ALOX5: variants seen among roughly 807,000 people sequenced by gnomAD.
ALOX5 encodes the protein arachidonate 5-lipoxygenase, also known as polyunsaturated fatty acid 5-lipoxygenase.
ALOX5 carries 64 observed loss-of-function variants against 87.9 expected under a neutral mutation model. That is an observed-to-expected ratio of 0.73 (90% confidence interval 0.60 to 0.90). The LOEUF (loss-of-function observed/expected upper bound fraction) is 0.90, where lower values mean the gene tolerates loss of function less well. Ranked by LOEUF, ALOX5 falls within the 40% of genes least tolerant of loss-of-function variation. ALOX5 has a pLI of 0.00. For missense variants in ALOX5, 822 were observed against 907.5 expected, an observed-to-expected ratio of 0.91 and a Z score of 1.21; for synonymous variants, 388 against 355.1, an observed-to-expected ratio of 1.09 and a Z score of -1.04.
chr10:45,374,561 C>T, intron 1 of ALOX5, 132 bp downstream of exon 1: 1 of 894,550 alleles, frequency 1.1e-6, no homozygotes, highest in Non-Finnish European at 1.5e-6. Context: ...GTGTCCAGGA[C>T]CCTGTCAGGG....
rs141852280 is a variant in ALOX5, at chr10:45,420,560, C to T, written c.555-3481C>T. Among the ~76,000 whole-genome samples, 1,081 of 152,382 alleles carry T rather than the reference C, an allele frequency of 7.1e-3. 6 individuals are homozygous for T. Among genetic ancestry groups the T allele is most frequent in the South Asian group, 0.017 (82 of 4,830 alleles). On this transcript the variant is annotated intron_variant, in intron 4 of 13. Transcript: ENST00000374391. The stretch of plus-strand genomic sequence containing the variant: ...CACTCCCCGCCTAGAGTGGGTTAAA[C>T]TCAGTGCCCACTGGCAGGAAACTGA...
Position 45,374,397 on chromosome 10 carries a change from A to G in ALOX5, c.118A>G (p.Lys40Glu). 1.3e-6 allele frequency: 2 copies of G among 1,565,212 alleles called. No individual in the cohort carries two copies. Among genetic ancestry groups the G allele is most frequent in the Non-Finnish European group, 1.7e-6 (2 of 1,160,014 alleles). Residue 40 changes from lysine to glutamate, a missense_variant, in exon 1 of 14, where the codon AAG (lysine) becomes GAG (glutamate). Coordinates refer to ENST00000374391, the MANE Select transcript of ALOX5 (RefSeq NM_000698.5). ...CTGCAGCGAGAAGCACCTGCTGGAC[A>G]AGCCCTTCTACAACGACTTCGAGCG... ...AGCSEKHLLD[K>E]PFYNDFERGA...
chr10:45,410,402 T>A (rs1474980230), intron 3 of ALOX5, among the ~76,000 whole-genome samples: 1 of 152,224 alleles, frequency 6.6e-6, no homozygotes. Flanking sequence ...TTTCTTAAAA[T>A]CTGAGGACGT....
intron 6 of ALOX5, 183 bp from the exon 7 acceptor site, chr10:45,428,435 C>G: frequency 1.4e-6 from 1 of 734,190 alleles, no homozygotes; most frequent in Non-Finnish European, 2.2e-6. Flanking sequence ...ACTGCCACAA[C>G]CTGTGAACAC....
chr10:45,393,150 A>C (rs74648467), intron 2 of ALOX5, among the ~76,000 whole-genome samples: 6,975 of 152,196 alleles, frequency 0.046, 302 homozygotes, highest in East Asian at 0.18. Context: ...TACACACACA[A>C]AAAAAACAAT....
intron 6 of ALOX5, among the ~76,000 whole-genome samples, chr10:45,427,363 A>G (rs1412083842): frequency 6.6e-6 from 1 of 152,102 alleles, no homozygotes; most frequent in African/African-American, 2.4e-5. Context: ...CCCCCTCAAC[A>G]CAAGGTGCCC....
chr10:45,381,501 A>G (rs1239924622), intron 1 of ALOX5, among the ~76,000 whole-genome samples: 1 of 152,210 alleles, frequency 6.6e-6, no homozygotes, highest in Non-Finnish European at 1.5e-5. Context: ...CGCTGTCTTC[A>G]TCTGTGGAAG....
At chr10:45,424,194 C>T (rs1293069481) in intron 5 of ALOX5, 47 bp downstream of exon 5, 1 of 1,456,734 alleles carries the variant, frequency 6.9e-7, no homozygotes. Flanking sequence ...ACAGGGGATG[C>T]TGCTCTCCTG....
At chr10:45,390,634 T>C (rs866994782) in intron 2 of ALOX5, among the ~76,000 whole-genome samples, 1 of 152,180 alleles carries the variant, frequency 6.6e-6, no homozygotes, top group South Asian at 2.1e-4. Flanking sequence ...AGATTTTCTT[T>C]GAAACCAATG....
At chr10:45,377,055 G>A (rs964348021) in intron 1 of ALOX5, among the ~76,000 whole-genome samples, 1 of 152,160 alleles carries the variant, frequency 6.6e-6, no homozygotes, top group Admixed American at 6.5e-5. Flanking sequence ...ATCTTAGTTG[G>A]CCCATTTCAT....
Position 45,444,258 on chromosome 10 carries a change from G to A in ALOX5, c.1817G>A (p.Trp606Ter). Residue 606 changes from tryptophan to a stop codon, truncating the protein, a stop_gained, in exon 13 of 14, where the codon TGG becomes TAG. Transcript: ENST00000374391. LOFTEE classifies it high-confidence loss of function. ...TCCTGCTGGCATCTGGGTGCAGTGT[G>A]GGCGCTGAGCCAGTTCCAGGAAAAC... is the stretch of plus-strand genomic sequence containing the variant. ...GRSCWHLGAV[W>*]ALSQFQENEL... The A allele has an allele frequency of 6.4e-7, 1 of 1,554,972 alleles. No individual in the cohort carries two copies. Among genetic ancestry groups the A allele is most frequent in the Non-Finnish European group, 8.7e-7 (1 of 1,149,250 alleles).
intron 6 of ALOX5, among the ~76,000 whole-genome samples, chr10:45,427,825 G>A (rs980465434): frequency 6.6e-6 from 1 of 152,100 alleles, no homozygotes; most frequent in African/African-American, 2.4e-5. Context: ...CCACTTCACC[G>A]GCACGCTCGT....
At chr10:45,379,575 A>C (rs894408763) in intron 1 of ALOX5, among the ~76,000 whole-genome samples, 1 of 152,124 alleles carries the variant, frequency 6.6e-6, no homozygotes, top group African/African-American at 2.4e-5. Flanking sequence ...TGTAGTCACG[A>C]AGTGGCCGTG....
chr10:45,425,461 A>C lies in ALOX5; in HGVS notation c.834+329A>C, dbSNP rs181844329. ...CCTGTGGTGGGACAGGCATTGTGAC[A>C]GGTGCTTTACACACAAGGTCATCAG... On this transcript the variant is annotated intron_variant, in intron 6 of 13. Coordinates refer to ENST00000374391, the MANE Select transcript of ALOX5 (RefSeq NM_000698.5). The surrounding 1 kb of genome is among the most constrained non-coding windows in gnomAD (Gnocchi z 4.4). Among the ~76,000 whole-genome samples the C allele has an allele frequency of 6.6e-6, 1 of 152,334 alleles. No homozygotes were observed. The highest frequency in any genetic ancestry group is 1.9e-4 in the East Asian group (1 of 5,188).
chr10:45,443,323 G>A (rs1411503989), intron 10 of ALOX5, 93 bp from the exon 11 acceptor site: 1 of 1,583,954 alleles, frequency 6.3e-7, no homozygotes, highest in Admixed American at 1.7e-5. Flanking sequence ...GGGACGGGGT[G>A]GGGGAGTCCC....
intron 2 of ALOX5, among the ~76,000 whole-genome samples, chr10:45,394,481 A>T (rs538788659): frequency 7.9e-5 from 12 of 152,386 alleles, no homozygotes; most frequent in African/African-American, 2.9e-4. Flanking sequence ...CTTAAATGTT[A>T]GACCTAAAAC....
chr10:45,389,064 G>T (rs568296117), intron 2 of ALOX5, among the ~76,000 whole-genome samples: 2 of 152,208 alleles, frequency 1.3e-5, no homozygotes, highest in African/African-American at 4.8e-5. Flanking sequence ...TTCAGTAGCC[G>T]ATTCGATCAA....
At chr10:45,385,322 C>T (rs914633682) in intron 2 of ALOX5, among the ~76,000 whole-genome samples, 1 of 152,100 alleles carries the variant, frequency 6.6e-6, no homozygotes, top group Non-Finnish European at 1.5e-5. Flanking sequence ...TTACTGTGGC[C>T]CCACAGATCC....
chr10:45,386,503 TACAA>T (rs1465225582), intron 2 of ALOX5, among the ~76,000 whole-genome samples: 2 of 151,350 alleles, frequency 1.3e-5, no homozygotes, highest in Non-Finnish European at 1.5e-5. Context: ...CAAAATAAAA[TACAA>T]AGACTCAGAG....
Sources: gnomAD v4.1 joint callset for allele counts (sites outside exome capture counted in the v4.1 genomes callset) on GRCh38, gnomAD v4.1.1 for gene constraint, Gnocchi (gnomAD v3.1) non-coding constraint, MANE v1.5 for transcripts, NCBI Gene and HGNC (gene_info 2026-07-23, HGNC 2026-07-21) for gene names.